GDA: variants seen among roughly 807,000 people sequenced by gnomAD.
GDA encodes the protein guanine deaminase, also known as cytoplasmic PSD-95 interactor.
A neutral mutation model predicts 59.6 loss-of-function variants in GDA; 18 were observed. That is an observed-to-expected ratio of 0.30 (90% CI 0.21 to 0.45). GDA has a LOEUF of 0.45. Ranked by LOEUF, GDA falls within the 20% of genes least tolerant of loss-of-function variation. GDA has a pLI of 1.00. For missense variants in GDA, 427 were observed against 552.3 expected (o/e 0.77, Z 2.27); for synonymous variants, 201 against 201.1 (o/e 1.00, Z 0.00).
intron 1 of GDA, among the ~76,000 whole-genome samples, chr9:72,178,511 G>A (rs137954903): frequency 0.015 from 2,184 of 147,252 alleles, 54 homozygotes; most frequent in African/African-American, 0.053. Context: ...TCCACCTCCC[G>A]GGTTCAAGCA....
intron 1 of GDA, among the ~76,000 whole-genome samples, chr9:72,141,297 G>C (rs2130652010): frequency 6.6e-6 from 1 of 152,098 alleles, no homozygotes. Flanking sequence ...CATTTTATAT[G>C]GAAGAGTGTT....
intron 3 of GDA, among the ~76,000 whole-genome samples, chr9:72,207,578 T>C (rs1320709081): frequency 1.3e-5 from 2 of 152,218 alleles, no homozygotes; most frequent in African/African-American, 2.4e-5. Context: ...TACACTTTTC[T>C]AGTTGCTGGA....
intron 3 of GDA, among the ~76,000 whole-genome samples, chr9:72,209,348 C>T (rs1030464373): frequency 3.9e-5 from 6 of 151,934 alleles, no homozygotes; most frequent in African/African-American, 1.5e-4. Flanking sequence ...CTTTGATTTT[C>T]ATCTTTTCCT....
chr9:72,135,239 TGTGTGC>T (rs1826179125), intron 1 of GDA, among the ~76,000 whole-genome samples: 1 of 150,250 alleles, frequency 6.7e-6, no homozygotes, highest in South Asian at 2.1e-4. Flanking sequence ...TGTGTGTGTG[TGTGTGC>T]GTTTTCAATT....
intron 1 of GDA, among the ~76,000 whole-genome samples, chr9:72,176,540 T>C (rs1254809084): frequency 6.6e-6 from 1 of 152,194 alleles, no homozygotes; most frequent in Non-Finnish European, 1.5e-5. Flanking sequence ...TGTGTAGGAA[T>C]TAATTTCGGG....
chr9:72,181,144 G>A (rs1398760931), intron 1 of GDA, among the ~76,000 whole-genome samples: 1 of 152,006 alleles, frequency 6.6e-6, no homozygotes, highest in Non-Finnish European at 1.5e-5. Context: ...TTTTTGAAGT[G>A]ATTCTTCTTT....
intron 8 of GDA, among the ~76,000 whole-genome samples, chr9:72,226,262 T>G (rs1837572914): frequency 1.3e-5 from 2 of 152,176 alleles, no homozygotes; most frequent in Admixed American, 6.5e-5. Flanking sequence ...GGGATTAAAT[T>G]ACAGAGCATA....
chr9:72,256,248 T>G (rs1840880069), downstream of GDA, among the ~76,000 whole-genome samples: 1 of 152,244 alleles, frequency 6.6e-6, no homozygotes, highest in Non-Finnish European at 1.5e-5. Flanking sequence ...AAGTCATATT[T>G]AATTTACTAA....
chr9:72,123,181 T>C (rs900910769), intron 1 of GDA, among the ~76,000 whole-genome samples: 1 of 121,036 alleles, frequency 8.3e-6, no homozygotes, highest in South Asian at 2.8e-4. Context: ...TTCTTTTTTC[T>C]TCCCTTTTTT....
intron 12 of GDA, 111 bp from the exon 13 acceptor site, chr9:72,247,293 GCC>G: frequency 1.3e-6 from 1 of 763,174 alleles, no homozygotes; most frequent in Non-Finnish European, 2.4e-6. Context: ...AGTAGATTTT[GCC>G]ATTGAGAAAC....
At chr9:72,207,358 A>C (rs1348433754) in intron 3 of GDA, among the ~76,000 whole-genome samples, 1 of 152,118 alleles carries the variant, frequency 6.6e-6, no homozygotes, top group Non-Finnish European at 1.5e-5. Flanking sequence ...TTCACACTAC[A>C]TTCTTAGGAA....
rs150087637 is a variant in GDA at position 72,218,938 on chromosome 9, C to G, written c.579-541C>G. Reference sequence around the variant, plus strand: ...CAGCCCGACCGATGCTAGATGATAACATTACGTTTCCCTGTGATTTTGCAC... The same window carrying G: ...CAGCCCGACCGATGCTAGATGATAAGATTACGTTTCCCTGTGATTTTGCAC... On this transcript the variant is annotated intron_variant, in intron 5 of 13. Transcript: ENST00000358399. Among the ~76,000 whole-genome samples, 309 of 152,286 alleles carry G rather than the reference C, an allele frequency of 2.0e-3. 5 individuals are homozygous for G. The highest frequency in any genetic ancestry group is 0.018 in the Admixed American group (272 of 15,292).
intron 5 of GDA, among the ~76,000 whole-genome samples, chr9:72,217,185 T>C (rs1465005556): frequency 6.6e-6 from 1 of 152,252 alleles, no homozygotes; most frequent in Non-Finnish European, 1.5e-5. Flanking sequence ...GAGATTGTGT[T>C]CATGTACATT....
chr9:72,228,114 C>A, intron 9 of GDA, 74 bp downstream of exon 9: 1 of 817,200 alleles, frequency 1.2e-6, no homozygotes, highest in East Asian at 2.5e-5. Flanking sequence ...CCTTTGTTTC[C>A]TCTGTCATTC....
At chr9:72,217,119 T>C (rs1290156081) in intron 5 of GDA, among the ~76,000 whole-genome samples, 2 of 152,220 alleles carry the variant, frequency 1.3e-5, no homozygotes, top group African/African-American at 4.8e-5. Flanking sequence ...GTGAATTTTA[T>C]GGTATGTAAA....
intron 1 of GDA, among the ~76,000 whole-genome samples, chr9:72,185,278 G>A (rs1357013944): frequency 6.6e-6 from 1 of 152,208 alleles, no homozygotes; most frequent in Non-Finnish European, 1.5e-5. Flanking sequence ...AATCTCGGAA[G>A]ACATGTCTAG....
At chr9:72,137,184 A>T (rs1179231736) in intron 1 of GDA, among the ~76,000 whole-genome samples, 1 of 147,742 alleles carries the variant, frequency 6.8e-6, no homozygotes, top group Non-Finnish European at 1.5e-5. Flanking sequence ...ATCCTTAAAA[A>T]TTAAAAAATA....
At chr9:72,170,362 A>G (rs1396664618) in intron 1 of GDA, among the ~76,000 whole-genome samples, 1 of 152,352 alleles carries the variant, frequency 6.6e-6, no homozygotes, top group Middle Eastern at 3.4e-3. Flanking sequence ...CAAAGAGAAA[A>G]ATAAAGCTCA....
chr9:72,182,190 C>A (rs1831312442), intron 1 of GDA, among the ~76,000 whole-genome samples: 2 of 152,138 alleles, frequency 1.3e-5, no homozygotes, highest in South Asian at 4.1e-4. Context: ...ACCACATGAT[C>A]TGTAGACCCA....
Sources: allele counts gnomAD v4.1 joint callset (sites outside exome capture counted in the v4.1 genomes callset), GRCh38; gene constraint gnomAD v4.1.1; transcripts MANE v1.5; gene names NCBI Gene and HGNC (gene_info 2026-07-23, HGNC 2026-07-21).